Variants in PLEKHA3 observed in about 807,000 individuals in gnomAD.
The protein encoded by PLEKHA3 is pleckstrin homology domain-containing family A member 3.
Under a neutral mutation model 39.2 loss-of-function variants are expected in PLEKHA3, and 19 were observed. The ratio of observed to expected loss-of-function variants is 0.48; its 90% CI spans 0.34 to 0.71. The LOEUF is 0.71. Among genes scored for constraint, PLEKHA3 ranks in the 30% least tolerant of loss-of-function variants. PLEKHA3 has a pLI of 0.01. For missense variants in PLEKHA3, 253 were observed against 359.5 expected, an observed-to-expected ratio of 0.70 and a Z score of 2.40; for synonymous variants, 97 against 118.6, an observed-to-expected ratio of 0.82 and a Z score of 1.18.
intron 4 of PLEKHA3, among the ~76,000 whole-genome samples, chr2:178,495,128 T>C (rs1234188817): frequency 6.6e-6 from 1 of 152,186 alleles, no homozygotes; most frequent in Non-Finnish European, 1.5e-5. Context: ...ACTAATTAAC[T>C]CTAAGGGTAT....
At chr2:178,494,355 A>T (rs1685405779) in intron 4 of PLEKHA3, among the ~76,000 whole-genome samples, 1 of 152,210 alleles carries the variant, frequency 6.6e-6, no homozygotes. Flanking sequence ...CAACTATGAG[A>T]GTTGATAACT....
At chr2:178,485,805 G>A in intron 2 of PLEKHA3, 48 bp downstream of exon 2, 1 of 1,402,938 alleles carries the variant, frequency 7.1e-7, no homozygotes, top group Non-Finnish European at 1.0e-6. Context: ...GATAGTCAAG[G>A]GTTCTTCAGC....
rs1256085987 is a variant in PLEKHA3 at position 178,510,075 on chromosome 2, A to G, written c.*6188A>G. The G allele has an allele frequency of 6.6e-6, 1 of 152,160 alleles. No homozygotes were observed. The highest frequency in any genetic ancestry group is 1.5e-5 in the Non-Finnish European group (1 of 68,072). 9.4% of individuals were successfully genotyped at this position (152,160 alleles called of 1,614,324 possible). A position where few individuals can be genotyped will look rare whatever the true frequency, so the allele number is the denominator to read the frequency against. ...TTTTTAATAGAGATGGGGTTTCATC[A>G]TATTAGTCAGGCTGGTCTTGAACTC... On this transcript the variant is annotated 3_prime_UTR_variant, in exon 8 of 8. Transcript: ENST00000234453.
In PLEKHA3 at chr2:178,515,581, A is replaced by G. The variant is rs906771150; in HGVS notation, c.*11694A>G. 6.6e-6 allele frequency: 1 copy of G among 152,166 alleles called. No homozygotes were observed. The highest frequency in any genetic ancestry group is 2.4e-5 in the African/African-American group (1 of 41,444). The allele number at this position is 152,166 out of a possible 1,614,324, so 9.4% of individuals were successfully genotyped here. On this transcript the variant is annotated 3_prime_UTR_variant, in exon 8 of 8. Coordinates refer to ENST00000234453, the MANE Select transcript of PLEKHA3 (RefSeq NM_019091.4). Reference sequence around the variant, plus strand: ...GGCGGTGAGTTCAGGGGGTCTGTTAACCATTTAATTTAGGATTGTTTATAC... The same window carrying G: ...GGCGGTGAGTTCAGGGGGTCTGTTAGCCATTTAATTTAGGATTGTTTATAC...
At chr2:178,497,969 ATT>A (rs1364419722) in intron 5 of PLEKHA3, among the ~76,000 whole-genome samples, 1 of 152,118 alleles carries the variant, frequency 6.6e-6, no homozygotes, top group Non-Finnish European at 1.5e-5. Context: ...TTGTTTATTT[ATT>A]TATATGAAAA....
At position 178,507,694 on chromosome 2, in the gene PLEKHA3, T is replaced by TTTTTTG. The variant is rs1685626204; in HGVS notation, c.*3807_*3808insTTTTTG. 2 of 129,240 alleles carry TTTTTTG rather than the reference T, an allele frequency of 1.5e-5. No homozygotes were observed. Among genetic ancestry groups the TTTTTTG allele is most frequent in the Admixed American group, 1.8e-4 (2 of 11,356 alleles). The allele number at this position is 129,240 out of a possible 1,614,324, so 8.0% of individuals were successfully genotyped here. On this transcript the variant is annotated 3_prime_UTR_variant, in exon 8 of 8. Transcript: ENST00000234453. ...TTTTTTTTTTTTTTTTTTTTTTTTTTGGCAAAGCTCCTCCACCAGTAACTT... is the reference window on the plus strand; with the variant it reads ...TTTTTTTTTTTTTTTTTTTTTTTTTTTTTTTGGGCAAAGCTCCTCCACCAGTAACTT...
In PLEKHA3 at chr2:178,493,859, G is replaced by A. The variant is rs1685397782; in HGVS notation, c.320G>A (p.Ser107Asn). Residue 107 changes from serine (S) to asparagine (N), a missense_variant, in exon 4 of 8, where the codon AGT becomes AAT. Physicochemically the swap from Ser to Asn is conservative, Grantham distance 46. Coordinates refer to ENST00000234453, the MANE Select transcript of PLEKHA3 (RefSeq NM_019091.4). ...DTRTKKEKEI[S>N]ETSESLKTKM... Reference sequence around the variant, plus strand: ...TTATGTATATTCTTTTCAGAAATAAGTGAAACCAGTGAATCGCTGAAAACC... The same window carrying A: ...TTATGTATATTCTTTTCAGAAATAAATGAAACCAGTGAATCGCTGAAAACC... The A allele has an allele frequency of 1.9e-6, 3 of 1,612,690 alleles. No individual in the cohort carries two copies. The highest frequency in any genetic ancestry group is 1.7e-6 in the Non-Finnish European group (2 of 1,179,172).
At chr2:178,499,671 CA>C (rs1348543072) in intron 6 of PLEKHA3, among the ~76,000 whole-genome samples, 2 of 152,112 alleles carry the variant, frequency 1.3e-5, no homozygotes, top group Admixed American at 1.3e-4. Context: ...CAGTCACCCA[CA>C]ACATTCAGTA....
intron 3 of PLEKHA3, 61 bp from the exon 4 acceptor site, chr2:178,493,792 G>A: frequency 7.0e-7 from 1 of 1,430,524 alleles, no homozygotes; most frequent in Non-Finnish European, 9.6e-7. Context: ...ATTACATTTT[G>A]TTACATTGCT....
rs150873269 is a variant in PLEKHA3, at chr2:178,484,443, ACT to A, written c.41-1196_41-1195del. Among the ~76,000 whole-genome samples, 8 of 152,274 alleles carry A rather than the reference ACT, an allele frequency of 5.3e-5. No homozygotes were observed. In the East Asian group the frequency reaches 1.5e-3, roughly 29 times the overall value. ...AAAGTAAAATTTAATCTTTTTGATG[ACT>A]CAGTGTTGTCATTTCAAAAGTGTTA... On this transcript the variant is annotated intron_variant, in intron 1 of 7. Transcript: ENST00000234453.
intron 3 of PLEKHA3, among the ~76,000 whole-genome samples, chr2:178,491,894 C>A (rs1685353376): frequency 6.6e-6 from 1 of 152,036 alleles, no homozygotes; most frequent in Admixed American, 6.6e-5. Flanking sequence ...AGAGATCAAA[C>A]CCAAGAGGCA....
intron 7 of PLEKHA3, chr2:178,502,375 A>G (rs1262149876): frequency 2.3e-6 from 1 of 428,774 alleles, no homozygotes; most frequent in Admixed American, 3.0e-5. Context: ...CGGGAAGGGG[A>G]AGGGAGAAAG....
intron 5 of PLEKHA3, among the ~76,000 whole-genome samples, chr2:178,498,667 T>C (rs534392628): frequency 6.6e-6 from 1 of 152,266 alleles, no homozygotes; most frequent in South Asian, 2.1e-4. Context: ...CACTGAGACT[T>C]AGGGTTCTTC....
Position 178,507,430 on chromosome 2 carries a change from A to G in PLEKHA3, c.*3543A>G, listed in dbSNP as rs776282621. 1.1e-4 allele frequency: 17 copies of G among 152,166 alleles called. No homozygotes were observed. The highest frequency in any genetic ancestry group is 1.9e-4 in the Non-Finnish European group (13 of 68,020). The allele number at this position is 152,166 out of a possible 1,614,324, so 9.4% of individuals were successfully genotyped here. ...TATTGCCTGATTTTCAAATTTGCTTAGTTTTTAATGTACCTGTCACAATGA... is the reference window on the plus strand; with the variant it reads ...TATTGCCTGATTTTCAAATTTGCTTGGTTTTTAATGTACCTGTCACAATGA... On this transcript the variant is annotated 3_prime_UTR_variant, in exon 8 of 8. Coordinates refer to ENST00000234453, the MANE Select transcript of PLEKHA3 (RefSeq NM_019091.4).
intron 1 of PLEKHA3, among the ~76,000 whole-genome samples, chr2:178,483,661 C>A (rs1020094835): frequency 6.6e-6 from 1 of 152,102 alleles, no homozygotes; most frequent in Admixed American, 6.5e-5. Context: ...TTCACCACCC[C>A]CTGCTTATAA....
intron 1 of PLEKHA3, among the ~76,000 whole-genome samples, chr2:178,481,266 G>T (rs373350930): frequency 6.6e-6 from 1 of 152,254 alleles, no homozygotes; most frequent in Admixed American, 6.5e-5. Flanking sequence ...CTGAGTTGTC[G>T]GAGTATTGGA....
chr2:178,494,642 C>T (rs1162002326), intron 4 of PLEKHA3, among the ~76,000 whole-genome samples: 1 of 152,152 alleles, frequency 6.6e-6, no homozygotes, highest in African/African-American at 2.4e-5. Flanking sequence ...TGACCACAAG[C>T]TCCCTGGAGG....
rs1685595164 is a variant in PLEKHA3, at chr2:178,505,871, A to G, written c.*1984A>G. The stretch of plus-strand genomic sequence containing the variant: ...GAACAGGTTTGCGGTATCCCTAAGT[A>G]TGTCTTTTGTTATGACTTGGAGCCA... On this transcript the variant is annotated 3_prime_UTR_variant, in exon 8 of 8. Coordinates refer to ENST00000234453, the MANE Select transcript of PLEKHA3 (RefSeq NM_019091.4). 1 of 151,898 alleles carries G rather than the reference A, an allele frequency of 6.6e-6. No homozygotes were observed. The highest frequency in any genetic ancestry group is 2.4e-5 in the African/African-American group (1 of 41,386). 9.4% of individuals were successfully genotyped at this position (151,898 alleles called of 1,614,324 possible).
chr2:178,487,487 G>A (rs1685268390), intron 2 of PLEKHA3, among the ~76,000 whole-genome samples: 1 of 151,550 alleles, frequency 6.6e-6, no homozygotes, highest in South Asian at 2.1e-4. Context: ...TGCTCAGGCT[G>A]GAATGCAGTG....
Sources: allele counts gnomAD v4.1 joint callset (sites outside exome capture counted in the v4.1 genomes callset), GRCh38; gene constraint gnomAD v4.1.1; transcripts MANE v1.5; gene names NCBI Gene and HGNC (gene_info 2026-07-23, HGNC 2026-07-21).